METTL15: variants seen among roughly 807,000 people sequenced by gnomAD.
The protein encoded by METTL15 is 12S rRNA N(4)-cytidine methyltransferase METTL15.
Under a neutral mutation model 38.3 loss-of-function variants are expected in METTL15, and 34 were observed. That is an observed-to-expected ratio of 0.89 (90% CI 0.68 to 1.18). METTL15 has a LOEUF of 1.18. Among genes scored for constraint, METTL15 ranks in the 50% most tolerant of loss-of-function variants. The pLI, the probability that METTL15 is intolerant of heterozygous loss-of-function variation, is 0.00. For missense variants in METTL15, 438 were observed against 498.4 expected, an observed-to-expected ratio of 0.88 and a Z score of 1.15; for synonymous variants, 162 against 170.9, an observed-to-expected ratio of 0.95 and a Z score of 0.41.
rs71050951 is a variant in METTL15, at chr11:28,201,610, G to GGTGTGTGTGTGTGTGTGT, written c.271-9438_271-9437insGTGTGTGTGTGTGTGTGT. Among the ~76,000 whole-genome samples the GGTGTGTGTGTGTGTGTGT allele has an allele frequency of 9.4e-4, 137 of 145,628 alleles. 1 individual carries two copies. The highest frequency in any genetic ancestry group is 3.5e-3 in the South Asian group (16 of 4,550). On this transcript the variant is annotated intron_variant, in intron 3 of 6. Coordinates refer to ENST00000407364, the MANE Select transcript of METTL15 (RefSeq NM_001113528.2). The stretch of plus-strand genomic sequence containing the variant: ...CTTCTTCCTGGTTTAGTCTTGGGAG[G>GGTGTGTGTGTGTGTGTGT]GTGTGTGTGTGTGTCCAGGAATTTA...
At chr11:28,388,120 C>G (rs1850460592) in intron 5 of METTL15, among the ~76,000 whole-genome samples, 1 of 152,014 alleles carries the variant, frequency 6.6e-6, no homozygotes, top group Non-Finnish European at 1.5e-5. Context: ...ACATCTTTTC[C>G]TCTAGTGATC....
chr11:28,282,385 T>A (rs968954359), intron 4 of METTL15, among the ~76,000 whole-genome samples: 25 of 152,184 alleles, frequency 1.6e-4, no homozygotes, highest in African/African-American at 6.0e-4. Flanking sequence ...CAGCAGGGAA[T>A]CTAGATTAGA....
intron 5 of METTL15, among the ~76,000 whole-genome samples, chr11:28,415,690 G>A (rs1850766761): frequency 6.6e-6 from 1 of 152,164 alleles, no homozygotes; most frequent in Non-Finnish European, 1.5e-5. Flanking sequence ...GTTGATACTG[G>A]AAGAGTTGAT....
At position 28,507,788 on chromosome 11, in the gene METTL15, G is replaced by A. The variant is rs80101745; in HGVS notation, c.*425-18690G>A. Among the ~76,000 whole-genome samples the A allele has an allele frequency of 3.9e-3, 591 of 152,076 alleles. 2 individuals are homozygous for A. The highest frequency in any genetic ancestry group is 0.019 in the East Asian group (99 of 5,174). On this transcript the variant is annotated intron_variant and NMD_transcript_variant, in intron 6 of 7. Coordinates refer to the METTL15 transcript ENST00000532947. ...TTCTTCTCTAACCACTTCTTGTCCC[G>A]CAAACTGCTACTTCTCAAGTCCCTG...
At chr11:28,257,638 ATTCT>A (rs1435341689) in intron 4 of METTL15, among the ~76,000 whole-genome samples, 1 of 151,918 alleles carries the variant, frequency 6.6e-6, no homozygotes, top group African/African-American at 2.4e-5. Context: ...AAGCTCACTA[ATTCT>A]TTCTTCTGCT....
At chr11:28,263,362 T>A (rs142177591) in intron 4 of METTL15, among the ~76,000 whole-genome samples, 2 of 152,232 alleles carry the variant, frequency 1.3e-5, no homozygotes, top group African/African-American at 4.8e-5. Flanking sequence ...TAGGCATAGA[T>A]AACATTGATG....
intron 3 of METTL15, among the ~76,000 whole-genome samples, chr11:28,178,756 T>A (rs1480347457): frequency 3.3e-5 from 5 of 151,976 alleles, no homozygotes; most frequent in Middle Eastern, 3.4e-3. Flanking sequence ...TTATTTACAT[T>A]AATACTTTCA....
chr11:28,466,779 G>A (rs1851260785), intron 6 of METTL15, among the ~76,000 whole-genome samples: 1 of 152,114 alleles, frequency 6.6e-6, no homozygotes, highest in South Asian at 2.1e-4. Context: ...GGGCTGGTGT[G>A]GGGAATGCAT....
intron 4 of METTL15, among the ~76,000 whole-genome samples, chr11:28,263,874 C>T (rs1855307093): frequency 6.6e-6 from 1 of 151,672 alleles, no homozygotes; most frequent in African/African-American, 2.4e-5. Context: ...CATATATTGC[C>T]CTTTGCTATG....
intron 3 of METTL15, among the ~76,000 whole-genome samples, chr11:28,137,598 TCAAA>T (rs574248276): frequency 8.6e-4 from 131 of 152,332 alleles, no homozygotes; most frequent in Non-Finnish European, 1.7e-3. Flanking sequence ...AGCAGGCAAG[TCAAA>T]CAGTTCTCAA....
intron 3 of METTL15, among the ~76,000 whole-genome samples, chr11:28,209,472 G>T (rs1246434318): frequency 1.3e-5 from 2 of 151,996 alleles, no homozygotes; most frequent in African/African-American, 2.4e-5. Flanking sequence ...TAAATAAAAA[G>T]ATATTGTTTA....
At chr11:28,315,517 G>A (rs1857448174) in intron 6 of METTL15, among the ~76,000 whole-genome samples, 1 of 152,200 alleles carries the variant, frequency 6.6e-6, no homozygotes, top group African/African-American at 2.4e-5. Flanking sequence ...TGGATAATTT[G>A]CAGCCTGACA....
At chr11:28,499,469 G>A (rs1029161743) in intron 6 of METTL15, among the ~76,000 whole-genome samples, 5 of 152,106 alleles carry the variant, frequency 3.3e-5, no homozygotes, top group Non-Finnish European at 7.4e-5. Flanking sequence ...GAGACATATT[G>A]TTCCATTAGT....
intron 3 of METTL15, among the ~76,000 whole-genome samples, chr11:28,117,231 A>ATG (rs1444092063): frequency 3.0e-5 from 2 of 66,830 alleles, no homozygotes; most frequent in African/African-American, 5.7e-5. Flanking sequence ...ACACCTATAT[A>ATG]TGTATGTGTG....
chr11:28,438,390 T>C (rs1257714881), intron 6 of METTL15, among the ~76,000 whole-genome samples: 1 of 152,226 alleles, frequency 6.6e-6, no homozygotes, highest in East Asian at 1.9e-4. Context: ...GTGTCCTACA[T>C]CGGGTTGTCT....
chr11:28,408,423 C>G (rs572177489), intron 5 of METTL15, among the ~76,000 whole-genome samples: 1 of 152,312 alleles, frequency 6.6e-6, no homozygotes, highest in South Asian at 2.1e-4. Flanking sequence ...GTTATACTGG[C>G]TTGATGTCCT....
chr11:28,363,302 T>A (rs1400888433), intron 5 of METTL15, among the ~76,000 whole-genome samples: 2 of 152,112 alleles, frequency 1.3e-5, no homozygotes, highest in Non-Finnish European at 2.9e-5. Context: ...GCCTCCCGAG[T>A]AGCTGGGATT....
In METTL15 at chr11:28,189,521, A is replaced by C. The variant is rs535940208; in HGVS notation, c.271-21541A>C. On this transcript the variant is annotated intron_variant, in intron 3 of 6. Coordinates refer to ENST00000407364, the MANE Select transcript of METTL15 (RefSeq NM_001113528.2). ...ATAAACTTCTTGTAGCATTTTTTCAAATACCTACTTTGACAAATGTGAACA... is the reference window on the plus strand; with the variant it reads ...ATAAACTTCTTGTAGCATTTTTTCACATACCTACTTTGACAAATGTGAACA... 5.3e-4 allele frequency among the ~76,000 whole-genome samples: 80 copies of C among 151,420 alleles called. 3 individuals carry two copies. The South Asian group carries it at 0.016, about 31-fold the overall frequency.
At chr11:28,233,079 A>C (rs1853757700) in intron 4 of METTL15, among the ~76,000 whole-genome samples, 1 of 152,070 alleles carries the variant, frequency 6.6e-6, no homozygotes, top group South Asian at 2.1e-4. Context: ...CAATCTTATC[A>C]CATTAAGGAA....
Sources: gnomAD v4.1 joint callset for allele counts (sites outside exome capture counted in the v4.1 genomes callset) on GRCh38, gnomAD v4.1.1 for gene constraint, MANE v1.5 for transcripts, NCBI Gene and HGNC (gene_info 2026-07-23, HGNC 2026-07-21) for gene names.